Variants in KLRK1 observed in about 807,000 individuals in gnomAD.
KLRK1 encodes the protein NKG2-D type II integral membrane protein.
Under a neutral mutation model 31.3 loss-of-function variants are expected in KLRK1, and 40 were observed. That is an observed-to-expected ratio of 1.28 (90% CI 0.99 to 1.67). The LOEUF (loss-of-function observed/expected upper bound fraction) is 1.67, where lower values mean the gene tolerates loss of function less well. Ranked by LOEUF, KLRK1 falls within the 40% of genes most tolerant of loss-of-function variation. The pLI is 0.00. For synonymous variants in KLRK1, 77 were observed against 77.3 expected, an observed-to-expected ratio of 1.00 and a Z score of 0.02; for missense variants, 251 against 260.0, an observed-to-expected ratio of 0.97 and a Z score of 0.24.
intron 2 of KLRK1, 61 bp from the exon 3 acceptor site, chr12:10,387,071 T>C: frequency 7.2e-7 from 1 of 1,388,000 alleles, no homozygotes; most frequent in African/African-American, 1.5e-5. Flanking sequence ...GGGGCATAAA[T>C]TTTAAAAATT....
intron 4 of KLRK1, 56 bp downstream of exon 4, chr12:10,379,644 T>C (rs1224830091): frequency 2.0e-4 from 291 of 1,491,122 alleles, no homozygotes; most frequent in Non-Finnish European, 2.6e-4. Context: ...ACAAAAATAA[T>C]ACATTAGCAT....
intron 1 of KLRK1, 191 bp from the exon 2 acceptor site, chr12:10,389,066 C>T: frequency 2.2e-6 from 1 of 451,624 alleles, no homozygotes; most frequent in South Asian, 4.3e-5. Context: ...AAAATAATCG[C>T]CAATTACTTC....
At chr12:10,385,978 C>T (rs2137818988) in intron 3 of KLRK1, among the ~76,000 whole-genome samples, 1 of 109,370 alleles carries the variant, frequency 9.1e-6, no homozygotes, top group Non-Finnish European at 2.0e-5. Flanking sequence ...CACAAAATAT[C>T]CTATGAATTT....
intron 3 of KLRK1, 151 bp from the exon 4 acceptor site, chr12:10,379,943 A>T: frequency 1.9e-6 from 1 of 538,310 alleles, no homozygotes; most frequent in South Asian, 4.3e-5. Context: ...GAACATAAAT[A>T]CCTCGCAAAT....
At chr12:10,387,367 A>C (rs568367961) in intron 2 of KLRK1, among the ~76,000 whole-genome samples, 9 of 152,292 alleles carry the variant, frequency 5.9e-5, no homozygotes, top group African/African-American at 2.2e-4. Flanking sequence ...CACATATACA[A>C]ACTTGATAAC....
chr12:10,380,097 G>A (rs1471179009), intron 3 of KLRK1, among the ~76,000 whole-genome samples: 24 of 113,936 alleles, frequency 2.1e-4, no homozygotes, highest in Non-Finnish European at 1.1e-4. Flanking sequence ...ACGGAGTCTC[G>A]CTCTGTCGCC....
chr12:10,378,104 G>A lies in KLRK1; in HGVS notation c.533+28C>T, dbSNP rs964888164. The A allele has an allele frequency of 2.5e-6, 4 of 1,590,920 alleles. No individual in the cohort carries two copies. The African/African-American group carries it at 4.1e-5, about 16-fold the overall frequency. ...GAAAACTTAGGAAAAAAATTAAAAA[G>A]AAGAGACTCATTGGGTCAGAGACTT... On this transcript the variant is annotated intron_variant, in intron 7 of 7. Coordinates refer to ENST00000240618, the MANE Select transcript of KLRK1 (RefSeq NM_007360.4).
intron 6 of KLRK1, 129 bp downstream of exon 6, chr12:10,378,421 GAAGA>G (rs1863005240): frequency 3.5e-6 from 5 of 1,443,670 alleles, no homozygotes; most frequent in Non-Finnish European, 4.7e-6. Flanking sequence ...TATTTTCAAT[GAAGA>G]AAGATTTAGG....
At chr12:10,383,314 A>G (rs1437417435) in intron 3 of KLRK1, among the ~76,000 whole-genome samples, 1 of 152,088 alleles carries the variant, frequency 6.6e-6, no homozygotes, top group Non-Finnish European at 1.5e-5. Flanking sequence ...GAAAACAGAT[A>G]TTCCATGAAA....
intron 1 of KLRK1, chr12:10,389,121 G>A (rs966807714): frequency 3.1e-6 from 1 of 322,840 alleles, no homozygotes; most frequent in African/African-American, 2.1e-5. Context: ...CACCTACATT[G>A]AGATATTTAA....
intron 3 of KLRK1, among the ~76,000 whole-genome samples, chr12:10,386,656 ACTC>A (rs1029048694): frequency 4.0e-5 from 6 of 151,106 alleles, no homozygotes; most frequent in African/African-American, 1.5e-4. Flanking sequence ...TCTCTTAGAA[ACTC>A]CTGCCTCGAT....
At chr12:10,389,634 T>A (rs973165505) in intron 1 of KLRK1, among the ~76,000 whole-genome samples, 3 of 152,252 alleles carry the variant, frequency 2.0e-5, no homozygotes, top group Admixed American at 2.0e-4. Flanking sequence ...TTAAATTGAA[T>A]CTCAATTCTT....
chr12:10,388,813 A>T lies in KLRK1; in HGVS notation c.-3T>A, dbSNP rs1344494997. ...CTCCGACCACGAATCCACCCCATCAAATACTTATAAGTGCACGTCTACCGC... is the reference window on the plus strand; with the variant it reads ...CTCCGACCACGAATCCACCCCATCATATACTTATAAGTGCACGTCTACCGC... On this transcript the variant is annotated 5_prime_UTR_variant, in exon 2 of 8. It adds an upstream start codon to the 5' untranslated region. Transcript: ENST00000240618. The T allele has an allele frequency of 2.5e-6, 4 of 1,613,960 alleles. No individual in the cohort carries two copies. Among genetic ancestry groups the T allele is most frequent in the South Asian group, 2.2e-5 (2 of 91,080 alleles).
chr12:10,378,580 G>T lies in KLRK1; in HGVS notation c.403C>A (p.Leu135Met), dbSNP rs746112451. The change falls in exon 6 of 8, where the codon CTG becomes ATG. Residue 135 changes from leucine (L) to methionine (M), a missense_variant. Physicochemically the swap from Leu to Met is conservative, Grantham distance 15 (BLOSUM62 2). Transcript: ENST00000240618. ...TGGTCCTCTTTGCTGTATACTTTCA[G>T]AAGGCTGGCATTTTGAGACATACAA... ...ASCMSQNASL[L>M]KVYSKEDQDL... The T allele has an allele frequency of 6.2e-7, 1 of 1,612,402 alleles. No homozygotes were observed. The highest frequency in any genetic ancestry group is 8.5e-7 in the Non-Finnish European group (1 of 1,179,682).
Position 10,378,234 on chromosome 12 carries a change from T to A in KLRK1, c.431A>T (p.Asp144Val). Residue 144 changes from aspartate to valine, a missense_variant and splice_region_variant, in exon 7 of 8, where the codon GAT (aspartate) becomes GTT (valine). Transcript: ENST00000240618. Reference sequence around the variant, plus strand: ...ATATGACTTCACCAGTTTAAGTAAATCCTGTTTGAAACCACAAATAAACTA... The same window carrying A: ...ATATGACTTCACCAGTTTAAGTAAAACCTGTTTGAAACCACAAATAAACTA... ...LLKVYSKEDQ[D>V]LLKLVKSYHW... 1 of 1,610,988 alleles carries A rather than the reference T, an allele frequency of 6.2e-7. No individual in the cohort carries two copies. Among genetic ancestry groups the A allele is most frequent in the Non-Finnish European group, 8.5e-7 (1 of 1,179,190 alleles).
At chr12:10,373,369 C>A in intron 7 of KLRK1, 138 bp from the exon 8 acceptor site, 2 of 571,452 alleles carry the variant, frequency 3.5e-6, no homozygotes, top group Non-Finnish European at 5.7e-6. Context: ...GGTCCTAATT[C>A]ATAAACAAAA....
rs1433032125 is a variant in KLRK1, at chr12:10,372,987, A to G, written c.*127T>C. On this transcript the variant is annotated 3_prime_UTR_variant, in exon 8 of 8. Transcript: ENST00000240618. ...TCTATGGTTTGGTCCTGTGGAGTCT[A>G]AGAAATCTGACAGTCTTTGGTCATT... The G allele has an allele frequency of 2.5e-6, 2 of 788,226 alleles. No individual in the cohort carries two copies. Among genetic ancestry groups the G allele is most frequent in the Non-Finnish European group, 4.1e-6 (2 of 483,968 alleles). 48.8% of individuals were successfully genotyped at this position (788,226 alleles called of 1,614,324 possible). A position where few individuals can be genotyped will look rare whatever the true frequency, so the allele number is the denominator to read the frequency against.
chr12:10,375,730 TACTG>T (rs1862953074), intron 7 of KLRK1, among the ~76,000 whole-genome samples: 1 of 152,226 alleles, frequency 6.6e-6, no homozygotes, highest in South Asian at 2.1e-4. Context: ...ATGAAGAAAT[TACTG>T]AACAGTGTAG....
intron 3 of KLRK1, among the ~76,000 whole-genome samples, chr12:10,380,128 C>T (rs1325331348): frequency 2.2e-5 from 3 of 133,640 alleles, no homozygotes; most frequent in Non-Finnish European, 3.1e-5. Flanking sequence ...TGCAGTGGCG[C>T]GATCTCGGCT....
Sources: gnomAD v4.1 joint callset for allele counts (sites outside exome capture counted in the v4.1 genomes callset) on GRCh38, gnomAD v4.1.1 for gene constraint, MANE v1.5 for transcripts, NCBI Gene and HGNC (gene_info 2026-07-23, HGNC 2026-07-21) for gene names.